Variants in MB21D2 observed in about 807,000 individuals in gnomAD.
MB21D2 encodes Mab-21 domain containing 2, also known as nucleotidyltransferase MB21D2.
MB21D2 carries 9 observed loss-of-function variants against 33.3 expected under a neutral mutation model. The ratio of observed to expected loss-of-function variants is 0.27; its 90% CI spans 0.16 to 0.47. The LOEUF (loss-of-function observed/expected upper bound fraction) is 0.47. Ranked by LOEUF, MB21D2 falls within the 20% of genes least tolerant of loss-of-function variation. MB21D2 has a pLI of 0.99. For missense variants in MB21D2, 540 were observed against 624.6 expected, an observed-to-expected ratio of 0.86 and a Z score of 1.44; for synonymous variants, 241 against 236.3, an observed-to-expected ratio of 1.02 and a Z score of -0.18.
At chr3:192,810,412 A>G (rs1044009878) in intron 1 of MB21D2, among the ~76,000 whole-genome samples, 1 of 147,530 alleles carries the variant, frequency 6.8e-6, no homozygotes, top group African/African-American at 2.4e-5. Context: ...AGCCTCCTCT[A>G]AAGGACTTAC....
intron 1 of MB21D2, among the ~76,000 whole-genome samples, chr3:192,870,968 A>C (rs1172355864): frequency 6.6e-6 from 1 of 152,132 alleles, no homozygotes; most frequent in East Asian, 1.9e-4. Flanking sequence ...GTTGGATGCA[A>C]CTTCTCAACC....
At chr3:192,806,643 T>TCA (rs1711667814) in intron 1 of MB21D2, among the ~76,000 whole-genome samples, 1 of 152,200 alleles carries the variant, frequency 6.6e-6, no homozygotes, top group Non-Finnish European at 1.5e-5. Context: ...TTTTTATGTA[T>TCA]ACCATTTCTT....
chr3:192,834,248 T>C (rs919762069), intron 1 of MB21D2, among the ~76,000 whole-genome samples: 1 of 149,668 alleles, frequency 6.7e-6, no homozygotes, highest in Non-Finnish European at 1.5e-5. Flanking sequence ...ACCCAGGAAG[T>C]GGAAGTTGCA....
intron 1 of MB21D2, among the ~76,000 whole-genome samples, chr3:192,903,372 C>T (rs2108652675): frequency 6.6e-6 from 1 of 152,312 alleles, no homozygotes; most frequent in East Asian, 1.9e-4. Context: ...GAAGTCAAGC[C>T]ACCTAATTTT....
intron 1 of MB21D2, among the ~76,000 whole-genome samples, chr3:192,812,100 G>T (rs891940691): frequency 5.3e-5 from 8 of 151,658 alleles, no homozygotes; most frequent in African/African-American, 1.9e-4. Flanking sequence ...CAGGCTGGAG[G>T]GTAGTGGCAC....
chr3:192,879,762 A>G (rs1489757469), intron 1 of MB21D2, among the ~76,000 whole-genome samples: 1 of 152,250 alleles, frequency 6.6e-6, no homozygotes, highest in African/African-American at 2.4e-5. Flanking sequence ...TTAATGTCAT[A>G]AACAATTAAA....
intron 1 of MB21D2, among the ~76,000 whole-genome samples, chr3:192,852,737 G>A (rs1712833585): frequency 6.6e-6 from 1 of 152,152 alleles, no homozygotes; most frequent in South Asian, 2.1e-4. Flanking sequence ...GCAGGTGAAG[G>A]TCAGTTGACT....
intron 1 of MB21D2, among the ~76,000 whole-genome samples, chr3:192,832,633 T>C (rs1712341816): frequency 6.6e-6 from 1 of 151,988 alleles, no homozygotes. Context: ...CTACTAAAAA[T>C]ACAAAAATTA....
At chr3:192,810,117 G>A (rs1371683446) in intron 1 of MB21D2, among the ~76,000 whole-genome samples, 2 of 152,172 alleles carry the variant, frequency 1.3e-5, no homozygotes, top group Non-Finnish European at 2.9e-5. Context: ...TCTAATGGAA[G>A]AAAGTCTTTT....
chr3:192,823,307 T>C (rs1334384804), intron 1 of MB21D2, among the ~76,000 whole-genome samples: 5 of 152,214 alleles, frequency 3.3e-5, no homozygotes, highest in African/African-American at 9.6e-5. Context: ...ACAATCTCTA[T>C]AATGACTTGC....
intron 1 of MB21D2, among the ~76,000 whole-genome samples, chr3:192,859,935 T>C (rs1713002530): frequency 6.6e-6 from 1 of 152,260 alleles, no homozygotes; most frequent in South Asian, 2.1e-4. Flanking sequence ...CTGTCTGAAA[T>C]GTAAGATGCA....
intron 1 of MB21D2, among the ~76,000 whole-genome samples, chr3:192,886,802 T>C (rs1324622631): frequency 1.3e-5 from 2 of 152,140 alleles, no homozygotes; most frequent in East Asian, 1.9e-4. Context: ...ATTTTCACAG[T>C]ACCTTTTTAC....
Position 192,799,194 on chromosome 3 carries a change from A to C in MB21D2, c.668T>G (p.Ile223Ser). The C allele has an allele frequency of 6.2e-7, 1 of 1,614,234 alleles. No homozygotes were observed. Among genetic ancestry groups the C allele is most frequent in the Non-Finnish European group, 8.5e-7 (1 of 1,180,046 alleles). Residue 223 changes from isoleucine to serine, a missense_variant, in exon 2 of 2, where the codon ATT becomes AGT. Coordinates refer to ENST00000392452, the MANE Select transcript of MB21D2 (RefSeq NM_178496.4). The surrounding 1 kb of genome is among the most constrained non-coding windows in gnomAD (Gnocchi z 4.1). ...VEKNGTIISIILGVGSSRMLY... is the reference protein window; with the variant it reads ...VEKNGTIISISLGVGSSRMLY... ...CATGCGACTACTCCCTACACCCAGAATGATGGAGATGATGGTCCCATTTTT... is the reference window on the plus strand; with the variant it reads ...CATGCGACTACTCCCTACACCCAGACTGATGGAGATGATGGTCCCATTTTT...
At chr3:192,910,567 G>A (rs1389792086) in intron 1 of MB21D2, among the ~76,000 whole-genome samples, 3 of 152,162 alleles carry the variant, frequency 2.0e-5, no homozygotes, top group African/African-American at 7.2e-5. Flanking sequence ...AAGAAGCTAG[G>A]AAAACATCAT....
At chr3:192,823,654 T>TAA (rs1039179487) in intron 1 of MB21D2, among the ~76,000 whole-genome samples, 2 of 150,942 alleles carry the variant, frequency 1.3e-5, no homozygotes, top group East Asian at 3.9e-4. Context: ...GAACTCCATT[T>TAA]AAAAAAAAAC....
intron 1 of MB21D2, among the ~76,000 whole-genome samples, chr3:192,825,759 T>C (rs887094009): frequency 6.6e-6 from 1 of 152,222 alleles, no homozygotes. Flanking sequence ...TCAATGCTCA[T>C]TAGCACCTCC....
At chr3:192,908,542 C>T (rs6799135) in intron 1 of MB21D2, among the ~76,000 whole-genome samples, 84,124 of 150,972 alleles carry the variant, frequency 0.56, 23,679 homozygotes, top group Non-Finnish European at 0.59. Flanking sequence ...GAGACTACAG[C>T]AGCTGGGATG....
Position 192,797,568 on chromosome 3 carries a change from G to A in MB21D2, c.*818C>T, listed in dbSNP as rs1466581526. The A allele has an allele frequency of 6.6e-6, 1 of 152,516 alleles. No individual in the cohort carries two copies. The highest frequency in any genetic ancestry group is 2.4e-5 in the African/African-American group (1 of 41,392). 9.4% of individuals were successfully genotyped at this position (152,516 alleles called of 1,614,324 possible). A position where few individuals can be genotyped will look rare whatever the true frequency, so the allele number is the denominator to read the frequency against. ...GAAAAAATGATAGAATTTCGAGAGT[G>A]GTTGTTAATTTATATTGAAACACAC... On this transcript the variant is annotated 3_prime_UTR_variant, in exon 2 of 2. Coordinates refer to ENST00000392452, the MANE Select transcript of MB21D2 (RefSeq NM_178496.4).
At chr3:192,917,536 G>A in intron 1 of MB21D2, 94 bp downstream of exon 1, 1 of 1,376,932 alleles carries the variant, frequency 7.3e-7, no homozygotes, top group Non-Finnish European at 1.0e-6. Flanking sequence ...AGGCAACCCA[G>A]AAGGGAAGAG....
Sources: gnomAD v4.1 joint callset for allele counts (sites outside exome capture counted in the v4.1 genomes callset) on GRCh38, gnomAD v4.1.1 for gene constraint, Gnocchi (gnomAD v3.1) non-coding constraint, MANE v1.5 for transcripts, NCBI Gene and HGNC (gene_info 2026-07-23, HGNC 2026-07-21) for gene names.